Variants in RNGTT observed in about 807,000 individuals in gnomAD.
RNGTT encodes the protein RNA guanylyltransferase and 5'-phosphatase.
In RNGTT, 33 loss-of-function variants were observed where a neutral mutation model predicts 79.3. The ratio of observed to expected loss-of-function variants is 0.42; its 90% CI spans 0.32 to 0.56. The LOEUF (loss-of-function observed/expected upper bound fraction) is 0.56, where lower values mean the gene tolerates loss of function less well. Among genes scored for constraint, RNGTT ranks in the 20% least tolerant of loss-of-function variants. The pLI, the probability that RNGTT is intolerant of heterozygous loss-of-function variation, is 0.17. For synonymous variants in RNGTT, 222 were observed against 235.9 expected (o/e 0.94, Z 0.54); for missense variants, 497 against 739.1 (o/e 0.67, Z 3.80).
At chr6:88,956,331 A>C (rs1056244572) in intron 1 of RNGTT, among the ~76,000 whole-genome samples, 11 of 151,962 alleles carry the variant, frequency 7.2e-5, no homozygotes, top group Admixed American at 2.6e-4. Flanking sequence ...GACTAATAAC[A>C]AGTAGCAAGA....
rs141335492 is a variant in RNGTT at position 88,788,058 on chromosome 6, T to C, written c.1338+13506A>G. Among the ~76,000 whole-genome samples, 24 of 152,322 alleles carry C rather than the reference T, an allele frequency of 1.6e-4. No homozygotes were observed. In the East Asian group the frequency reaches 4.4e-3, roughly 28 times the overall value. ...GGCATTACTATCCACAGAAAAATCA[T>C]AAGTCAAACCATCATAAGCTGGGAA... is the stretch of plus-strand genomic sequence containing the variant. On this transcript the variant is annotated intron_variant, in intron 12 of 15. Transcript: ENST00000369485.
At chr6:88,735,412 G>T (rs1777251024) in intron 13 of RNGTT, among the ~76,000 whole-genome samples, 1 of 151,816 alleles carries the variant, frequency 6.6e-6, no homozygotes, top group African/African-American at 2.4e-5. Context: ...CATTCTAAAA[G>T]ACAGACACAT....
chr6:88,615,307 T>C (rs1458632127), intron 14 of RNGTT, among the ~76,000 whole-genome samples: 4 of 152,214 alleles, frequency 2.6e-5, no homozygotes, highest in Non-Finnish European at 5.9e-5. Flanking sequence ...TACCCACATA[T>C]TCACTACCAC....
rs1008073323 is a variant in RNGTT at position 88,609,992 on chromosome 6, CTAAGA to C, written c.*2722_*2726del. Among the ~76,000 whole-genome samples, 66 of 152,220 alleles carry C rather than the reference CTAAGA, an allele frequency of 4.3e-4. No individual in the cohort carries two copies. Among genetic ancestry groups the C allele is most frequent in the African/African-American group, 1.4e-3 (59 of 41,524 alleles). On this transcript the variant is annotated 3_prime_UTR_variant, in exon 16 of 16. Transcript: ENST00000369485. ...GAATATCTACTCATACAGTAGACTG[CTAAGA>C]TTAGATGAAGAGAAATAATATAAAC...
chr6:88,805,066 C>T (rs1390061914), intron 11 of RNGTT, among the ~76,000 whole-genome samples: 1 of 152,134 alleles, frequency 6.6e-6, no homozygotes, highest in African/African-American at 2.4e-5. Flanking sequence ...GAGAATGCTG[C>T]TTCTACACTG....
chr6:88,843,746 A>G (rs951533138), intron 11 of RNGTT, among the ~76,000 whole-genome samples: 7 of 150,652 alleles, frequency 4.6e-5, no homozygotes, highest in Non-Finnish European at 1.0e-4. Flanking sequence ...TTTAGTAGAG[A>G]CGGGTTTCAC....
At chr6:88,679,876 G>A (rs573500787) in intron 13 of RNGTT, among the ~76,000 whole-genome samples, 2 of 152,240 alleles carry the variant, frequency 1.3e-5, no homozygotes, top group South Asian at 4.1e-4. Flanking sequence ...GTCTGAACAC[G>A]ATTACACATA....
chr6:88,951,947 T>A lies in RNGTT; in HGVS notation c.65-10767A>T, dbSNP rs148891628. The stretch of plus-strand genomic sequence containing the variant: ...CAGAATCCAGGGAATGAACGGGAAC[T>A]GCTGCAGATATGAGCACAAAAGCTG... On this transcript the variant is annotated intron_variant, in intron 1 of 15. Coordinates refer to ENST00000369485, the MANE Select transcript of RNGTT (RefSeq NM_003800.5). 2.2e-3 allele frequency among the ~76,000 whole-genome samples: 335 copies of A among 152,298 alleles called. 8 individuals are homozygous for A. Among genetic ancestry groups the A allele is most frequent in the Admixed American group, 0.02 (300 of 15,296 alleles).
At chr6:88,877,516 T>C (rs564512733) in intron 8 of RNGTT, among the ~76,000 whole-genome samples, 1 of 152,274 alleles carries the variant, frequency 6.6e-6, no homozygotes, top group Non-Finnish European at 1.5e-5. Context: ...TAATAAAAGT[T>C]TCCTATGATG....
chr6:88,796,563 G>GTAGAAATGTATAATATGAA (rs1211813354), intron 12 of RNGTT, among the ~76,000 whole-genome samples: 3 of 152,174 alleles, frequency 2.0e-5, no homozygotes, highest in Admixed American at 6.5e-5. Flanking sequence ...GTTGTCCCTA[G>GTAGAAATGTATAATATGAA]TAGAAATGTA....
chr6:88,779,860 G>T (rs1225840481), intron 12 of RNGTT, among the ~76,000 whole-genome samples: 2 of 152,126 alleles, frequency 1.3e-5, no homozygotes, highest in Non-Finnish European at 2.9e-5. Flanking sequence ...AGGCATGGTG[G>T]TGCATGTTTG....
At chr6:88,863,236 C>T (rs1582556120) in intron 8 of RNGTT, among the ~76,000 whole-genome samples, 1 of 152,154 alleles carries the variant, frequency 6.6e-6, no homozygotes, top group Non-Finnish European at 1.5e-5. Context: ...AACGGCAGGC[C>T]AGCAGCATGC....
At chr6:88,773,742 A>G (rs1778779284) in intron 12 of RNGTT, among the ~76,000 whole-genome samples, 1 of 152,132 alleles carries the variant, frequency 6.6e-6, no homozygotes, top group South Asian at 2.1e-4. Flanking sequence ...TAAGAAAGAG[A>G]GGTGGGACAG....
chr6:88,772,253 GT>G lies in RNGTT; in HGVS notation c.1339-2380del, dbSNP rs1342484875. Among the ~76,000 whole-genome samples, 2 of 150,676 alleles carry G rather than the reference GT, an allele frequency of 1.3e-5. 1 individual carries two copies. The highest frequency in any genetic ancestry group is 4.9e-5 in the African/African-American group (2 of 40,868). On this transcript the variant is annotated intron_variant, in intron 12 of 15. Transcript: ENST00000369485. ...TTAATTTAACCAAGGTGAATCATCT[GT>G]ATACTGAACACTGATTTCTTTAAAA...
At chr6:88,624,891 A>G (rs1007334570) in intron 14 of RNGTT, among the ~76,000 whole-genome samples, 7 of 151,938 alleles carry the variant, frequency 4.6e-5, no homozygotes, top group African/African-American at 1.7e-4. Context: ...AAACAACTAA[A>G]TTTAAAAAAT....
At chr6:88,774,616 A>G (rs1254504635) in intron 12 of RNGTT, among the ~76,000 whole-genome samples, 1 of 152,226 alleles carries the variant, frequency 6.6e-6, no homozygotes, top group Non-Finnish European at 1.5e-5. Flanking sequence ...GGTTGTATAT[A>G]CATATATTAT....
chr6:88,707,758 T>C (rs1776183920), intron 13 of RNGTT, among the ~76,000 whole-genome samples: 1 of 139,392 alleles, frequency 7.2e-6, no homozygotes, highest in South Asian at 2.3e-4. Context: ...CTGTAAAAAA[T>C]CCACCATTCT....
chr6:88,706,232 CT>C (rs897660115), intron 13 of RNGTT, among the ~76,000 whole-genome samples: 27 of 151,648 alleles, frequency 1.8e-4, no homozygotes, highest in East Asian at 1.9e-4. Context: ...CATTGAAGTG[CT>C]TTTTTTTGGT....
At chr6:88,750,237 A>C (rs1417338805) in intron 13 of RNGTT, among the ~76,000 whole-genome samples, 5 of 152,158 alleles carry the variant, frequency 3.3e-5, no homozygotes. Flanking sequence ...ATGAAAAAGA[A>C]GGGGGTTGGG....
Sources: allele counts gnomAD v4.1 joint callset (sites outside exome capture counted in the v4.1 genomes callset), GRCh38; gene constraint gnomAD v4.1.1; transcripts MANE v1.5; gene names NCBI Gene and HGNC (gene_info 2026-07-23, HGNC 2026-07-21).